TRERF1: variants seen among roughly 807,000 people sequenced by gnomAD.
The protein encoded by TRERF1 is transcriptional regulating factor 1.
Under a neutral mutation model 122.9 loss-of-function variants are expected in TRERF1, and 27 were observed. The ratio of observed to expected loss-of-function variants is 0.22; its 90% CI spans 0.16 to 0.30. TRERF1 has a LOEUF of 0.30. Among genes scored for constraint, TRERF1 ranks in the 10% least tolerant of loss-of-function variants. The pLI, the probability that TRERF1 is intolerant of heterozygous loss-of-function variation, is 1.00. For synonymous variants in TRERF1, 636 were observed against 641.7 expected (o/e 0.99, Z 0.13); for missense variants, 1,248 against 1,560.3 (o/e 0.80, Z 3.37).
rs547532463 is a variant in TRERF1 at position 42,431,165 on chromosome 6, C to A, written c.-454+20012G>T. On this transcript the variant is annotated intron_variant, in intron 2 of 17. Coordinates refer to ENST00000372922, the Ensembl canonical transcript of TRERF1. ...AAATTTTTTCTTGAGAGTGCAAAAG[C>A]TAAAAAGCTTGTTTTTAGACTAAAA... 5.0e-4 allele frequency among the ~76,000 whole-genome samples: 76 copies of A among 151,446 alleles called. No homozygotes were observed. The Middle Eastern group carries it at 0.014, about 27-fold the overall frequency.
chr6:42,301,794 G>C (rs1196663922), intron 3 of TRERF1, among the ~76,000 whole-genome samples: 2 of 152,220 alleles, frequency 1.3e-5, no homozygotes, highest in Non-Finnish European at 2.9e-5. Flanking sequence ...TAGCAGCATT[G>C]CTATAGTAGA....
chr6:42,373,463 C>T (rs1473652744), intron 2 of TRERF1, among the ~76,000 whole-genome samples: 3 of 151,706 alleles, frequency 2.0e-5, no homozygotes, highest in Non-Finnish European at 4.4e-5. Flanking sequence ...GTCAGGAGAT[C>T]GAGACCATCC....
At chr6:42,348,505 GA>G (rs773117691) in intron 3 of TRERF1, among the ~76,000 whole-genome samples, 1 of 151,978 alleles carries the variant, frequency 6.6e-6, no homozygotes, top group Non-Finnish European at 1.5e-5. Flanking sequence ...CACCTGCCTT[GA>G]CCTCCCAAAG....
chr6:42,390,832 G>A (rs1397674365), intron 2 of TRERF1, among the ~76,000 whole-genome samples: 1 of 152,168 alleles, frequency 6.6e-6, no homozygotes, highest in African/African-American at 2.4e-5. Context: ...CTTACAGCTG[G>A]GGGCAAGGGG....
chr6:42,414,452 C>G (rs1475731471), intron 2 of TRERF1, among the ~76,000 whole-genome samples: 2 of 152,120 alleles, frequency 1.3e-5, no homozygotes, highest in Non-Finnish European at 2.9e-5. Context: ...TGTGCGTTTT[C>G]TTTTTTCAAA....
At chr6:42,356,206 A>G (rs928531140) in intron 3 of TRERF1, among the ~76,000 whole-genome samples, 1 of 152,352 alleles carries the variant, frequency 6.6e-6, no homozygotes, top group East Asian at 1.9e-4. Flanking sequence ...CAGTGACCCT[A>G]TAAGCACTTC....
intron 4 of TRERF1, among the ~76,000 whole-genome samples, chr6:42,283,950 C>A (rs1482091810): frequency 1.3e-5 from 2 of 152,064 alleles, no homozygotes; most frequent in Non-Finnish European, 2.9e-5. Flanking sequence ...AATTGCAGTA[C>A]ATTAATGCCT....
chr6:42,405,058 C>T (rs552948953), intron 2 of TRERF1, among the ~76,000 whole-genome samples: 1 of 152,294 alleles, frequency 6.6e-6, no homozygotes, highest in Admixed American at 6.5e-5. Context: ...CAGCTGTGCT[C>T]CAGAACTCTG....
chr6:42,265,565 A>G (rs1007516316), intron 6 of TRERF1, among the ~76,000 whole-genome samples, 186 bp downstream of exon 6: 9 of 152,156 alleles, frequency 5.9e-5, no homozygotes, highest in African/African-American at 2.2e-4. Flanking sequence ...CCACCCTCAT[A>G]GGTTACTTTA....
intron 3 of TRERF1, among the ~76,000 whole-genome samples, chr6:42,348,609 TAGA>T (rs1357127092): frequency 6.6e-6 from 1 of 152,092 alleles, no homozygotes; most frequent in Non-Finnish European, 1.5e-5. Context: ...ATCCTTCTGT[TAGA>T]AGAACACTCC....
At chr6:42,245,528 T>C (rs576239375) in intron 14 of TRERF1, among the ~76,000 whole-genome samples, 2 of 152,378 alleles carry the variant, frequency 1.3e-5, no homozygotes, top group Non-Finnish European at 2.9e-5. Context: ...GGCTCCATCA[T>C]TCATCAGTTT....
chr6:42,313,196 T>C (rs1283671862), intron 3 of TRERF1, among the ~76,000 whole-genome samples: 1 of 152,156 alleles, frequency 6.6e-6, no homozygotes, highest in African/African-American at 2.4e-5. Context: ...GTTCGGCATC[T>C]CTCTGGTGCT....
At chr6:42,347,935 T>C (rs1334645980) in intron 3 of TRERF1, among the ~76,000 whole-genome samples, 1 of 152,238 alleles carries the variant, frequency 6.6e-6, no homozygotes, top group Non-Finnish European at 1.5e-5. Flanking sequence ...ATAACAGGTA[T>C]CTGTGATTTT....
chr6:42,441,634 A>G (rs943868258), intron 2 of TRERF1, among the ~76,000 whole-genome samples: 2 of 152,122 alleles, frequency 1.3e-5, no homozygotes, highest in African/African-American at 4.8e-5. Flanking sequence ...TCCTTCCATT[A>G]AGAACCAATG....
chr6:42,249,555 G>A (rs980353893), intron 13 of TRERF1, among the ~76,000 whole-genome samples: 1 of 152,142 alleles, frequency 6.6e-6, no homozygotes, highest in African/African-American at 2.4e-5. Context: ...GCTGATTCCT[G>A]GTGGTTTTTA....
chr6:42,447,632 G>A (rs1033520914), intron 2 of TRERF1, among the ~76,000 whole-genome samples: 3 of 152,216 alleles, frequency 2.0e-5, no homozygotes, highest in Non-Finnish European at 4.4e-5. Context: ...CTTTAGAGCA[G>A]GACCATGAGC....
chr6:42,448,165 C>T (rs919697458), intron 2 of TRERF1, among the ~76,000 whole-genome samples: 1 of 151,998 alleles, frequency 6.6e-6, no homozygotes, highest in African/African-American at 2.4e-5. Flanking sequence ...CCCAATTACC[C>T]ACAGAAAGCA....
chr6:42,418,271 T>TC (rs1346524229), intron 2 of TRERF1, among the ~76,000 whole-genome samples: 13 of 138,780 alleles, frequency 9.4e-5, no homozygotes, highest in African/African-American at 2.4e-4. Context: ...TCTTTCTTTT[T>TC]TTTTTTTTTT....
intron 2 of TRERF1, among the ~76,000 whole-genome samples, chr6:42,384,119 T>C (rs923903809): frequency 6.6e-6 from 1 of 152,046 alleles, no homozygotes; most frequent in Admixed American, 6.6e-5. Flanking sequence ...ATTCCACTTC[T>C]AGGAATTTAT....
Sources: allele counts gnomAD v4.1 joint callset (sites outside exome capture counted in the v4.1 genomes callset), GRCh38; gene constraint gnomAD v4.1.1; transcripts MANE v1.5; gene names NCBI Gene and HGNC (gene_info 2026-07-23, HGNC 2026-07-21).